Variants in FARP1 observed in about 807,000 individuals in gnomAD.
FARP1 encodes the protein FERM, ARHGEF and pleckstrin domain-containing protein 1.
In FARP1, 52 loss-of-function variants were observed where a neutral mutation model predicts 128.8. The observed-to-expected ratio is 0.40, with a 90% CI of 0.32 to 0.51. The LOEUF is 0.51. Ranked by LOEUF, FARP1 falls within the 20% of genes least tolerant of loss-of-function variation. The probability of loss-of-function intolerance (pLI) is 0.45; values close to 1 mark genes in which losing one functional copy is unlikely to be tolerated. For synonymous variants in FARP1, 580 were observed against 551.8 expected (o/e 1.05, Z -0.72); for missense variants, 1,333 against 1,367.9 (o/e 0.97, Z 0.40).
chr13:98,318,950 GTTTTT>G (rs56166470), intron 2 of FARP1, among the ~76,000 whole-genome samples: 35 of 120,660 alleles, frequency 2.9e-4, no homozygotes, highest in African/African-American at 1.1e-3. Flanking sequence ...GTTTTTTCTT[GTTTTT>G]TTTTTTTTTT....
At chr13:98,149,772 C>A in intron 1 of FARP1, among the ~76,000 whole-genome samples, 1 of 93,224 alleles carries the variant, frequency 1.1e-5, no homozygotes, top group Non-Finnish European at 1.9e-5. Flanking sequence ...GAGTCTTACT[C>A]TGTTGCCCAG....
In FARP1 at chr13:98,176,191, A is replaced by G; in HGVS notation, c.-24+32699A>G. The G allele has an allele frequency of 6.2e-7, 1 of 1,610,412 alleles. No individual in the cohort carries two copies. Among genetic ancestry groups the G allele is most frequent in the Middle Eastern group, 1.7e-4 (1 of 6,054 alleles). On this transcript the variant is annotated intron_variant, in intron 1 of 26. Coordinates refer to ENST00000319562, the MANE Select transcript of FARP1 (RefSeq NM_005766.4). The surrounding 1 kb of genome is among the most constrained non-coding windows in gnomAD (Gnocchi z 6.2). ...TCTCTTTTTTCCTAAAAGAACAAAA[A>G]AATTTATTTAAATGTGAGAATTATG... is the stretch of plus-strand genomic sequence containing the variant.
chr13:98,437,680 A>G (rs1319713636), intron 19 of FARP1: 2 of 732,710 alleles, frequency 2.7e-6, no homozygotes, highest in African/African-American at 3.4e-5. Flanking sequence ...TTATCTGTGC[A>G]GGAGGGCTGT....
chr13:98,336,409 AC>A (rs1235480472), intron 2 of FARP1, among the ~76,000 whole-genome samples: 1 of 152,064 alleles, frequency 6.6e-6, no homozygotes, highest in African/African-American at 2.4e-5. Context: ...AGCTGGGACT[AC>A]AGGCACGCGC....
chr13:98,185,483 A>G (rs1878800842), intron 1 of FARP1, among the ~76,000 whole-genome samples: 1 of 152,180 alleles, frequency 6.6e-6, no homozygotes, highest in Non-Finnish European at 1.5e-5. Flanking sequence ...CAGAACACCC[A>G]TAGAAAACTT....
chr13:98,424,456 A>C (rs1281959399), intron 16 of FARP1, 116 bp from the exon 17 acceptor site: 1 of 715,994 alleles, frequency 1.4e-6, no homozygotes, highest in Non-Finnish European at 2.6e-6. Flanking sequence ...TAAGAAGTTC[A>C]GGAGATGTCC....
chr13:98,209,104 G>A (rs1880489843), intron 1 of FARP1, among the ~76,000 whole-genome samples: 1 of 152,140 alleles, frequency 6.6e-6, no homozygotes, highest in African/African-American at 2.4e-5. Context: ...CGCCTCCCGG[G>A]TTCACGCCAT....
chr13:98,391,403 T>C (rs1459168226), intron 11 of FARP1, among the ~76,000 whole-genome samples: 2 of 152,082 alleles, frequency 1.3e-5, no homozygotes, highest in Non-Finnish European at 2.9e-5. Context: ...CTCAGCCTCC[T>C]GAGTAGCTGG....
Position 98,440,105 on chromosome 13 carries a change from A to C in FARP1, c.2517-18A>C. ...TGATGTGCTGTGGCCTGAACACCTGACGCGTCTCTGTCTCCAGTTCTCGGT... is the reference window on the plus strand; with the variant it reads ...TGATGTGCTGTGGCCTGAACACCTGCCGCGTCTCTGTCTCCAGTTCTCGGT... On this transcript the variant is annotated intron_variant, in intron 22 of 26. Coordinates refer to ENST00000319562, the MANE Select transcript of FARP1 (RefSeq NM_005766.4). 4.3e-6 allele frequency: 7 copies of C among 1,610,810 alleles called. No homozygotes were observed. Among genetic ancestry groups the C allele is most frequent in the Non-Finnish European group, 5.1e-6 (6 of 1,177,128 alleles).
At chr13:98,189,738 G>A (rs1879104796) in intron 1 of FARP1, among the ~76,000 whole-genome samples, 1 of 152,170 alleles carries the variant, frequency 6.6e-6, no homozygotes, top group Non-Finnish European at 1.5e-5. Flanking sequence ...GAGGCATAAT[G>A]TAATAAATCT....
At chr13:98,234,796 C>A (rs1240152303) in intron 2 of FARP1, 1 of 152,210 alleles carries the variant, frequency 6.6e-6, no homozygotes, top group Non-Finnish European at 1.5e-5. Context: ...ACACAACAGC[C>A]TCCATTCTGA....
chr13:98,232,149 T>TTG (rs1566773097), intron 2 of FARP1, among the ~76,000 whole-genome samples: 7 of 146,248 alleles, frequency 4.8e-5, no homozygotes, highest in Non-Finnish European at 9.0e-5. Flanking sequence ...TGGTTGGTTT[T>TTG]TTTTTTTTTT....
chr13:98,351,087 G>C (rs1888402023), intron 3 of FARP1, among the ~76,000 whole-genome samples: 2 of 147,258 alleles, frequency 1.4e-5, no homozygotes, highest in South Asian at 4.4e-4. Flanking sequence ...CCCCACAGAA[G>C]CGATCCTGCC....
At chr13:98,446,386 TATC>T (rs1273456359) in intron 25 of FARP1, 181 bp downstream of exon 25, 4 of 600,980 alleles carry the variant, frequency 6.7e-6, no homozygotes, top group Admixed American at 3.0e-5. Context: ...AGACTGACAT[TATC>T]ATCCACTGAA....
intron 2 of FARP1, among the ~76,000 whole-genome samples, chr13:98,218,954 G>A (rs772097590): frequency 3.9e-5 from 6 of 152,190 alleles, no homozygotes; most frequent in African/African-American, 1.4e-4. Flanking sequence ...TGTCAGAATC[G>A]CCTGTGCTAT....
At chr13:98,320,037 T>A (rs1261935408) in intron 2 of FARP1, among the ~76,000 whole-genome samples, 1 of 152,068 alleles carries the variant, frequency 6.6e-6, no homozygotes, top group African/African-American at 2.4e-5. Context: ...CTGAGGATGG[T>A]GAGGTTACGT....
intron 1 of FARP1, among the ~76,000 whole-genome samples, chr13:98,153,632 T>G (rs1222147818): frequency 7.1e-6 from 1 of 140,324 alleles, no homozygotes; most frequent in East Asian, 2.1e-4. Flanking sequence ...GGTGCAACCT[T>G]GGCTTGCTGC....
At chr13:98,393,606 T>C (rs777549335) in intron 11 of FARP1, 37 bp from the exon 12 acceptor site, 1 of 1,543,490 alleles carries the variant, frequency 6.5e-7, no homozygotes, top group Non-Finnish European at 9.0e-7. Flanking sequence ...AACAAAAACC[T>C]CACCTAACTT....
At chr13:98,444,881 G>A (rs1468209252) in intron 24 of FARP1, among the ~76,000 whole-genome samples, 1 of 152,242 alleles carries the variant, frequency 6.6e-6, no homozygotes, top group African/African-American at 2.4e-5. Context: ...ATGGGCATCA[G>A]CCCAGCCCTG....
Sources: gnomAD v4.1 joint callset for allele counts (sites outside exome capture counted in the v4.1 genomes callset) on GRCh38, gnomAD v4.1.1 for gene constraint, Gnocchi (gnomAD v3.1) non-coding constraint, MANE v1.5 for transcripts, NCBI Gene and HGNC (gene_info 2026-07-23, HGNC 2026-07-21) for gene names.